CADM2: variants seen among roughly 807,000 people sequenced by gnomAD.
CADM2 encodes cell adhesion molecule 2.
In CADM2, 12 loss-of-function variants were observed where a neutral mutation model predicts 49.8. That is an observed-to-expected ratio of 0.24 (90% CI 0.15 to 0.39). The LOEUF (loss-of-function observed/expected upper bound fraction) is 0.39, where lower values mean the gene tolerates loss of function less well. Ranked by LOEUF, CADM2 falls within the 10% of genes least tolerant of loss-of-function variation. The probability of loss-of-function intolerance (pLI) is 1.00; values close to 1 mark genes in which losing one functional copy is unlikely to be tolerated. For missense variants in CADM2, 378 were observed against 492.3 expected, an observed-to-expected ratio of 0.77 and a Z score of 2.20; for synonymous variants, 214 against 175.4, an observed-to-expected ratio of 1.22 and a Z score of -1.74.
At position 85,990,013 on chromosome 3, in the gene CADM2, C is replaced by CAAAAAAAAAAAAAAAAA. The variant is rs58178176; in HGVS notation, c.970+28381_970+28397dup. Among the ~76,000 whole-genome samples, 10 of 9,640 alleles carry CAAAAAAAAAAAAAAAAA rather than the reference C, an allele frequency of 1.0e-3. 1 individual carries two copies. The highest frequency in any genetic ancestry group is 2.1e-3 in the African/African-American group (8 of 3,794). 6.3% of individuals were successfully genotyped at this position (9,640 alleles called of 152,430 possible). On this transcript the variant is annotated intron_variant, in intron 8 of 9. Transcript: ENST00000383699. ...GGCGACAAGAGAGAAACTCCATGTC[C>CAAAAAAAAAAAAAAAAA]AAAAAAAAAAAAAAAAAAAAAAAAA...
At chr3:85,583,565 A>G (rs2062854427) in intron 1 of CADM2, among the ~76,000 whole-genome samples, 1 of 152,164 alleles carries the variant, frequency 6.6e-6, no homozygotes, top group Non-Finnish European at 1.5e-5. Flanking sequence ...ATCATTCTAG[A>G]TGGTTGAAAC....
At chr3:85,662,246 T>TC (rs1198521126) in intron 1 of CADM2, among the ~76,000 whole-genome samples, 1 of 151,474 alleles carries the variant, frequency 6.6e-6, no homozygotes, top group African/African-American at 2.4e-5. Flanking sequence ...TTTTTTTTTT[T>TC]TTGGTACTTA....
chr3:86,063,974 G>T lies in CADM2; in HGVS notation c.971-1631G>T, dbSNP rs138357126. On this transcript the variant is annotated intron_variant, in intron 8 of 9. Transcript: ENST00000383699. ...TCACTCAGTTTTATCCTTCTATAAA[G>T]AGCTAATTTTCCAAACTTTTGAGTG... Among the ~76,000 whole-genome samples, 336 of 152,094 alleles carry T rather than the reference G, an allele frequency of 2.2e-3. 1 individual carries two copies. The highest frequency in any genetic ancestry group is 7.7e-3 in the African/African-American group (321 of 41,500).
chr3:86,011,871 G>A (rs1731554796), intron 8 of CADM2, among the ~76,000 whole-genome samples: 1 of 151,970 alleles, frequency 6.6e-6, no homozygotes, highest in Non-Finnish European at 1.5e-5. Flanking sequence ...TTAATTGTAA[G>A]AAAAAATATA....
chr3:85,537,208 T>A (rs2061439398), intron 1 of CADM2, among the ~76,000 whole-genome samples: 1 of 152,142 alleles, frequency 6.6e-6, no homozygotes, highest in Non-Finnish European at 1.5e-5. Context: ...TAAGCAGAAT[T>A]ATACCTATTC....
At chr3:86,041,997 G>A (rs1424163573) in intron 8 of CADM2, among the ~76,000 whole-genome samples, 2 of 152,150 alleles carry the variant, frequency 1.3e-5, no homozygotes, top group Admixed American at 1.3e-4. Context: ...ATAATGAAAT[G>A]AAGGCAGAAA....
intron 1 of CADM2, among the ~76,000 whole-genome samples, chr3:85,044,329 A>G (rs972779117): frequency 1.3e-5 from 2 of 152,164 alleles, no homozygotes; most frequent in Non-Finnish European, 2.9e-5. Context: ...ACCATAAAAA[A>G]AGACCTGGGT....
At chr3:85,277,878 C>T (rs896939309) in intron 1 of CADM2, among the ~76,000 whole-genome samples, 1 of 151,330 alleles carries the variant, frequency 6.6e-6, no homozygotes, top group Non-Finnish European at 1.5e-5. Context: ...AACTCTGAAT[C>T]TAAACTTTGT....
chr3:85,409,052 T>C (rs939431562), intron 1 of CADM2, among the ~76,000 whole-genome samples: 2 of 152,184 alleles, frequency 1.3e-5, no homozygotes, highest in African/African-American at 4.8e-5. Context: ...CTTCACTTCA[T>C]TGTGGTTTAC....
At chr3:85,239,507 A>G (rs2042482224) in intron 1 of CADM2, among the ~76,000 whole-genome samples, 1 of 151,674 alleles carries the variant, frequency 6.6e-6, no homozygotes, top group Non-Finnish European at 1.5e-5. Context: ...ACATGGATAT[A>G]TGAGGGACTT....
At position 85,352,831 on chromosome 3, in the gene CADM2, G is replaced by A. The variant is rs545681520; in HGVS notation, c.62-373691G>A. Among the ~76,000 whole-genome samples the A allele has an allele frequency of 2.6e-5, 4 of 152,212 alleles. No individual in the cohort carries two copies. The South Asian group carries it at 6.2e-4, about 24-fold the overall frequency. On this transcript the variant is annotated intron_variant, in intron 1 of 9. Transcript: ENST00000383699. The stretch of plus-strand genomic sequence containing the variant: ...TAGTCTTTGAATCTACTGTATCCAT[G>A]TGGTTCTGGTTATTAATTAACTTGA...
chr3:86,017,992 G>C (rs1219224536), intron 8 of CADM2, among the ~76,000 whole-genome samples: 2 of 129,520 alleles, frequency 1.5e-5, no homozygotes, highest in Non-Finnish European at 3.2e-5. Flanking sequence ...TCGTCATCTA[G>C]CATTAGGTAT....
intron 1 of CADM2, among the ~76,000 whole-genome samples, chr3:85,497,647 CG>C (rs2039959540): frequency 6.6e-6 from 1 of 151,872 alleles, no homozygotes; most frequent in African/African-American, 2.4e-5. Flanking sequence ...AAACTTATAG[CG>C]GTATGTTTTA....
chr3:85,037,747 A>G (rs112267372), intron 1 of CADM2, among the ~76,000 whole-genome samples: 3 of 152,212 alleles, frequency 2.0e-5, no homozygotes, highest in African/African-American at 7.2e-5. Context: ...TGGCTACTTA[A>G]CAATTTAAAA....
intron 1 of CADM2, among the ~76,000 whole-genome samples, chr3:85,195,571 ACAC>A (rs904477569): frequency 6.6e-6 from 1 of 151,944 alleles, no homozygotes; most frequent in East Asian, 1.9e-4. Context: ...ACACACACAC[ACAC>A]ATTTTGTAAT....
At chr3:85,967,806 A>G (rs1379937595) in intron 8 of CADM2, among the ~76,000 whole-genome samples, 1 of 151,582 alleles carries the variant, frequency 6.6e-6, no homozygotes, top group Non-Finnish European at 1.5e-5. Flanking sequence ...ACTGAGAACT[A>G]GGAGAGTACA....
At chr3:85,155,964 A>G (rs1420500731) in intron 1 of CADM2, among the ~76,000 whole-genome samples, 4 of 152,198 alleles carry the variant, frequency 2.6e-5, no homozygotes, top group Non-Finnish European at 4.4e-5. Flanking sequence ...AATTTATAGC[A>G]CTAAATGCCC....
chr3:85,869,677 G>C (rs1043518395), intron 3 of CADM2, among the ~76,000 whole-genome samples: 1 of 151,642 alleles, frequency 6.6e-6, no homozygotes, highest in Non-Finnish European at 1.5e-5. Context: ...TTATTATTTT[G>C]AGATGGAGTC....
At chr3:85,851,934 G>A (rs1163192323) in intron 3 of CADM2, among the ~76,000 whole-genome samples, 1 of 152,020 alleles carries the variant, frequency 6.6e-6, no homozygotes, top group African/African-American at 2.4e-5. Context: ...GGGTGGAGAG[G>A]AGGTTGAGTA....
Sources: allele counts gnomAD v4.1 joint callset (sites outside exome capture counted in the v4.1 genomes callset), GRCh38; gene constraint gnomAD v4.1.1; transcripts MANE v1.5; gene names NCBI Gene and HGNC (gene_info 2026-07-23, HGNC 2026-07-21).